Variants in RGS20 observed in about 807,000 individuals in gnomAD.
RGS20 encodes gz-selective GTPase-activating protein.
RGS20 carries 30 observed loss-of-function variants against 33.6 expected under a neutral mutation model. The ratio of observed to expected loss-of-function variants is 0.89; its 90% CI spans 0.67 to 1.21. RGS20 has a LOEUF of 1.21. Ranked by LOEUF, RGS20 falls within the 50% of genes most tolerant of loss-of-function variation. The pLI, the probability that RGS20 is intolerant of heterozygous loss-of-function variation, is 0.00. For missense variants in RGS20, 472 were observed against 502.4 expected (o/e 0.94, Z 0.58); for synonymous variants, 208 against 197.9 (o/e 1.05, Z -0.43).
intron 1 of RGS20, among the ~76,000 whole-genome samples, chr8:53,874,535 A>G (rs948514927): frequency 6.6e-6 from 1 of 152,220 alleles, no homozygotes; most frequent in African/African-American, 2.4e-5. Context: ...AATTCAAGTA[A>G]GAGCTGATGT....
Position 53,946,747 on chromosome 8 carries a change from A to C in RGS20, c.742A>C (p.Ser248Arg). 1 of 1,612,040 alleles carries C rather than the reference A, an allele frequency of 6.2e-7. No homozygotes were observed. Among genetic ancestry groups the C allele is most frequent in the South Asian group, 1.1e-5 (1 of 90,756 alleles). The change falls in exon 4 of 6, where the codon AGC (serine) becomes CGC (arginine). Residue 248 changes from serine to arginine, a missense_variant and splice_region_variant. Ser to Arg is a moderately radical substitution (Grantham distance 110). Around this residue, in one of 3 missense-constraint regions of RGS20, gnomAD observed 319 missense variants for 283.4 expected, o/e 1.13. Transcript: ENST00000297313. ...AGCAGATCTTCCAACCTGGGAAGAA[A>C]GGTGAAATCACACGTTTTTTTTACC...
intron 2 of RGS20, among the ~76,000 whole-genome samples, chr8:53,897,265 A>G (rs1465722623): frequency 6.6e-6 from 1 of 152,230 alleles, no homozygotes; most frequent in Non-Finnish European, 1.5e-5. Flanking sequence ...ATTTGTGCCC[A>G]GCACAAGCAG....
intron 1 of RGS20, among the ~76,000 whole-genome samples, chr8:53,868,501 A>C (rs928549564): frequency 6.6e-6 from 1 of 152,150 alleles, no homozygotes; most frequent in Non-Finnish European, 1.5e-5. Context: ...TGGGGGCAGG[A>C]GGGAGTAGTT....
At chr8:53,889,435 T>C (rs1454620133) in intron 2 of RGS20, among the ~76,000 whole-genome samples, 2 of 122,600 alleles carry the variant, frequency 1.6e-5, no homozygotes, top group African/African-American at 6.1e-5. Flanking sequence ...TTTTTTTTTT[T>C]TTTTTTTTTT....
rs1178436696 is a variant in RGS20 at position 53,909,209 on chromosome 8, GTATATATATATATATATATATA to G, written c.510+29632_510+29653del. ...CTCTATTATCCATTATGGTATGTGT[GTATATATATATATATATATATA>G]TATATATATATATATATATATATAC... On this transcript the variant is annotated intron_variant, in intron 2 of 5. Coordinates refer to ENST00000297313, the MANE Select transcript of RGS20 (RefSeq NM_170587.4). Among the ~76,000 whole-genome samples the G allele has an allele frequency of 2.5e-3, 111 of 43,732 alleles. 2 individuals are homozygous for G. Among genetic ancestry groups the G allele is most frequent in the South Asian group, 0.014 (13 of 934 alleles). 28.7% of individuals were successfully genotyped at this position (43,732 alleles called of 152,430 possible). A position where few individuals can be genotyped will look rare whatever the true frequency, so the allele number is the denominator to read the frequency against.
At chr8:53,957,100 A>C (rs1279060798) in intron 5 of RGS20, among the ~76,000 whole-genome samples, 2 of 152,152 alleles carry the variant, frequency 1.3e-5, no homozygotes, top group African/African-American at 4.8e-5. Context: ...CTGAGGCCCC[A>C]CAGCTATACA....
chr8:53,883,444 G>A (rs569988832), intron 2 of RGS20, among the ~76,000 whole-genome samples: 1 of 152,240 alleles, frequency 6.6e-6, no homozygotes, highest in East Asian at 1.9e-4. Context: ...GATTACAGGA[G>A]TGAGCCACTG....
At chr8:53,895,526 T>C (rs1385298566) in intron 2 of RGS20, among the ~76,000 whole-genome samples, 1 of 152,196 alleles carries the variant, frequency 6.6e-6, no homozygotes, top group African/African-American at 2.4e-5. Context: ...CAATTATCCA[T>C]AAACAGTCTA....
At chr8:53,929,527 A>C (rs1813896009) in intron 2 of RGS20, among the ~76,000 whole-genome samples, 1 of 152,128 alleles carries the variant, frequency 6.6e-6, no homozygotes, top group South Asian at 2.1e-4. Context: ...AATTAGCTGG[A>C]CATGGTGGCG....
At chr8:53,951,127 G>C (rs952906042) in intron 4 of RGS20, among the ~76,000 whole-genome samples, 1 of 152,144 alleles carries the variant, frequency 6.6e-6, no homozygotes, top group Non-Finnish European at 1.5e-5. Flanking sequence ...TAACGATAGA[G>C]GGAGATTGCC....
rs2129283215 is a variant in RGS20, at chr8:53,909,515, A to G, written c.510+29913A>G. Among the ~76,000 whole-genome samples, 3 of 151,864 alleles carry G rather than the reference A, an allele frequency of 2.0e-5. No homozygotes were observed. In the Middle Eastern group the frequency reaches 0.01, roughly 517 times the overall value. ...ATCCGCCCATGGCCTTGGTCTCCCA[A>G]AGTGCTGGGATTACAGCTGTGGGCC... On this transcript the variant is annotated intron_variant, in intron 2 of 5. Transcript: ENST00000297313.
intron 2 of RGS20, among the ~76,000 whole-genome samples, chr8:53,925,595 C>T (rs1269153975): frequency 6.6e-6 from 1 of 151,996 alleles, no homozygotes; most frequent in African/African-American, 2.4e-5. Flanking sequence ...ATTAGCTGGG[C>T]ATGGTGGCAC....
intron 4 of RGS20, 26 bp downstream of exon 3, chr8:53,946,774 C>T (rs1385328082): frequency 1.3e-6 from 2 of 1,575,364 alleles, no homozygotes; most frequent in East Asian, 4.5e-5. Context: ...TTTTTTACCT[C>T]ACTAAACTAA....
intron 2 of RGS20, chr8:53,879,756 C>G: frequency 1.6e-6 from 1 of 619,576 alleles, no homozygotes; most frequent in Non-Finnish European, 2.6e-6. Flanking sequence ...TGGGCAAGTC[C>G]TAGGACGGGA....
chr8:53,895,358 G>A (rs1311343485), intron 2 of RGS20, among the ~76,000 whole-genome samples: 1 of 152,180 alleles, frequency 6.6e-6, no homozygotes, highest in Non-Finnish European at 1.5e-5. Flanking sequence ...GGCACCCAGG[G>A]AATGGCCTGG....
At chr8:53,894,476 C>G (rs183046691) in intron 2 of RGS20, among the ~76,000 whole-genome samples, 149 of 152,274 alleles carry the variant, frequency 9.8e-4, no homozygotes, top group Non-Finnish European at 1.8e-3. Flanking sequence ...ATGCTAAGGC[C>G]CTGTGGGACA....
At chr8:53,854,658 ACATTG>A (rs1434994052) in intron 1 of RGS20, among the ~76,000 whole-genome samples, 1 of 152,234 alleles carries the variant, frequency 6.6e-6, no homozygotes, top group Non-Finnish European at 1.5e-5. Context: ...AATCATTAAT[ACATTG>A]CTGATAGGAA....
chr8:53,916,079 G>A (rs1292638273), intron 2 of RGS20, among the ~76,000 whole-genome samples: 1 of 152,170 alleles, frequency 6.6e-6, no homozygotes, highest in Non-Finnish European at 1.5e-5. Context: ...GCTAACTGCG[G>A]TGGTATGACC....
At position 53,958,161 on chromosome 8, in the gene RGS20, C is replaced by A. The variant is rs1814928008; in HGVS notation, c.979-109C>A. On this transcript the variant is annotated intron_variant, in intron 5 of 5. Coordinates refer to ENST00000297313, the MANE Select transcript of RGS20 (RefSeq NM_170587.4). ...AAAACAAAACAAACAACAAAAAAAC[C>A]AAAAACAAAAAACAAAAACAACAAC... The A allele has an allele frequency of 7.2e-6, 6 of 831,610 alleles. No individual in the cohort carries two copies. In the Admixed American group the frequency reaches 2.0e-4, roughly 28 times the overall value. The allele number at this position is 831,610 out of a possible 1,614,324, so 51.5% of individuals were successfully genotyped here. A position where few individuals can be genotyped will look rare whatever the true frequency, so the allele number is the denominator to read the frequency against.
Sources: allele counts gnomAD v4.1 joint callset (sites outside exome capture counted in the v4.1 genomes callset), GRCh38; gene constraint gnomAD v4.1.1; regional missense constraint gnomAD v4.1.1; transcripts MANE v1.5; gene names NCBI Gene and HGNC (gene_info 2026-07-23, HGNC 2026-07-21).